The following THUMPD2 variants were observed in gnomAD, a reference collection of about 807,000 sequenced individuals.
THUMPD2 encodes U6 snRNA (guanine-N(2))-methyltransferase THUMPD2.
THUMPD2 carries 56 observed loss-of-function variants against 49.4 expected under a neutral mutation model. The ratio of observed to expected loss-of-function variants is 1.13; its 90% CI spans 0.91 to 1.41. The LOEUF (loss-of-function observed/expected upper bound fraction) is 1.41. Ranked by LOEUF, THUMPD2 falls within the 40% of genes most tolerant of loss-of-function variation. The pLI, the probability that THUMPD2 is intolerant of heterozygous loss-of-function variation, is 0.00. For synonymous variants in THUMPD2, 237 were observed against 205.2 expected (o/e 1.15, Z -1.32); for missense variants, 709 against 594.5 (o/e 1.19, Z -2.00).
chr2:39,758,268 C>A (rs998120426), intron 6 of THUMPD2, among the ~76,000 whole-genome samples: 3 of 152,092 alleles, frequency 2.0e-5, no homozygotes, highest in African/African-American at 7.2e-5. Flanking sequence ...CTAAAAAAAT[C>A]TGAACTAAAC....
chr2:39,767,629 G>C (rs1263748727), intron 4 of THUMPD2, among the ~76,000 whole-genome samples: 3 of 140,518 alleles, frequency 2.1e-5, no homozygotes, highest in Non-Finnish European at 4.6e-5. Flanking sequence ...AAAAGAATTG[G>C]AAAGGGGCAG....
chr2:39,768,320 T>G, intron 4 of THUMPD2, 104 bp downstream of exon 4: 1 of 984,452 alleles, frequency 1.0e-6, no homozygotes, highest in Non-Finnish European at 1.6e-6. Flanking sequence ...GTAGATACAC[T>G]TTTTATAACT....
intron 2 of THUMPD2, 82 bp from the exon 3 acceptor site, chr2:39,770,201 C>T: frequency 1.0e-6 from 1 of 954,784 alleles, no homozygotes; most frequent in South Asian, 3.1e-5. Context: ...ACTCAATTAC[C>T]TTTATTTCCT....
chr2:39,755,155 G>T, intron 8 of THUMPD2, 140 bp downstream of exon 8: 1 of 495,052 alleles, frequency 2.0e-6, no homozygotes, highest in South Asian at 4.3e-5. Flanking sequence ...TAGACTATTA[G>T]AAGTAAACTG....
intron 8 of THUMPD2, among the ~76,000 whole-genome samples, chr2:39,748,799 G>C (rs1674985015): frequency 6.6e-6 from 1 of 151,964 alleles, no homozygotes; most frequent in African/African-American, 2.4e-5. Flanking sequence ...AATACAGTGA[G>C]ACCCCATCTC....
intron 7 of THUMPD2, 21 bp from the exon 8 acceptor site, chr2:39,755,430 T>A: frequency 7.0e-7 from 1 of 1,432,576 alleles, no homozygotes; most frequent in Middle Eastern, 1.8e-4. Flanking sequence ...ATAAATATTT[T>A]AAGCATAAAT....
At chr2:39,742,946 C>A (rs930940505) in intron 9 of THUMPD2, among the ~76,000 whole-genome samples, 1 of 152,048 alleles carries the variant, frequency 6.6e-6, no homozygotes, top group African/African-American at 2.4e-5. Context: ...TAGGTGCTGT[C>A]CAGAAGGAGA....
chr2:39,769,586 C>T (rs1678036244), intron 3 of THUMPD2, 124 bp downstream of exon 3: 1 of 960,168 alleles, frequency 1.0e-6, no homozygotes, highest in Non-Finnish European at 1.5e-6. Flanking sequence ...CCTGTGATCC[C>T]AGCTACTCAG....
Position 39,737,014 on chromosome 2 carries a change from A to T in THUMPD2, c.1233T>A (p.Asp411Glu). The T allele has an allele frequency of 6.2e-7, 1 of 1,613,984 alleles. No individual in the cohort carries two copies. Among genetic ancestry groups the T allele is most frequent in the Non-Finnish European group, 8.5e-7 (1 of 1,179,930 alleles). The change falls in exon 10 of 10, where the codon GAT (aspartate) becomes GAA (glutamate). Residue 411 changes from aspartate to glutamate, a missense_variant. Asp to Glu is a conservative substitution (Grantham distance 45, BLOSUM62 2). Transcript: ENST00000505747. Reference protein sequence around the residue: ...GGTIVLLLSEDHHRRLTDCKE... With the variant: ...GGTIVLLLSEEHHRRLTDCKE... ...TACAATCTGTAAGGCGCCTGTGGTG[A>T]TCTTCACTAAGCAACAATACAATGG...
At chr2:39,759,370 C>CTTA (rs767640704) in intron 6 of THUMPD2, among the ~76,000 whole-genome samples, 15 of 152,048 alleles carry the variant, frequency 9.9e-5, no homozygotes, top group African/African-American at 1.4e-4. Context: ...GCAGCTAATA[C>CTTA]TTAGACACTT....
At chr2:39,761,101 G>C (rs1460610622) in intron 6 of THUMPD2, among the ~76,000 whole-genome samples, 1 of 152,064 alleles carries the variant, frequency 6.6e-6, no homozygotes, top group African/African-American at 2.4e-5. Flanking sequence ...ATGAAATGTA[G>C]CTAACTTTTG....
intron 9 of THUMPD2, among the ~76,000 whole-genome samples, chr2:39,737,466 G>T (rs967175364): frequency 6.6e-6 from 1 of 152,146 alleles, no homozygotes; most frequent in African/African-American, 2.4e-5. Flanking sequence ...AAAAAGAAGG[G>T]CAGATCTTGA....
Position 39,737,862 on chromosome 2 carries a change from G to A in THUMPD2, c.1188-803C>T, listed in dbSNP as rs137919930. Among the ~76,000 whole-genome samples the A allele has an allele frequency of 2.8e-4, 42 of 152,306 alleles. No homozygotes were observed. The East Asian group carries it at 4.6e-3, about 17-fold the overall frequency. On this transcript the variant is annotated intron_variant, in intron 9 of 9. Coordinates refer to ENST00000505747, the MANE Select transcript of THUMPD2 (RefSeq NM_025264.5). ...AGCAAAGACGGGAGGAAGTGGAGAG[G>A]AGGCAGCTCTGAAAGCAGCTCAGTG...
chr2:39,757,426 T>G, intron 6 of THUMPD2: 1 of 1,301,344 alleles, frequency 7.7e-7, no homozygotes. Context: ...TGGTACTAAA[T>G]TTTAAAGAGA....
intron 1 of THUMPD2, among the ~76,000 whole-genome samples, chr2:39,778,043 C>T (rs899287745): frequency 3.3e-5 from 5 of 152,154 alleles, no homozygotes; most frequent in African/African-American, 4.8e-5. Flanking sequence ...GGGTTTGAAT[C>T]CCATCTTTGC....
intron 8 of THUMPD2, among the ~76,000 whole-genome samples, chr2:39,753,155 T>C (rs1675639599): frequency 6.6e-6 from 1 of 152,192 alleles, no homozygotes; most frequent in African/African-American, 2.4e-5. Flanking sequence ...TACTGTCCCA[T>C]TTCTATGCTC....
chr2:39,753,612 T>TAACTTGATCCA (rs1675715052), intron 8 of THUMPD2, among the ~76,000 whole-genome samples: 2 of 152,206 alleles, frequency 1.3e-5, no homozygotes, highest in African/African-American at 4.8e-5. Flanking sequence ...TCCTAAACTC[T>TAACTTGATCCA]AACTTGATCC....
At chr2:39,777,437 A>G (rs1679266665) in intron 1 of THUMPD2, among the ~76,000 whole-genome samples, 1 of 152,254 alleles carries the variant, frequency 6.6e-6, no homozygotes, top group Admixed American at 6.5e-5. Flanking sequence ...CTTTAAAGCT[A>G]GAGAGACTCA....
In THUMPD2 at chr2:39,768,826, G is replaced by C. The variant is rs1315136472; in HGVS notation, c.673-325C>G. 4.5e-6 allele frequency: 5 copies of C among 1,099,924 alleles called. No individual in the cohort carries two copies. In the African/African-American group the frequency reaches 8.0e-5, roughly 18 times the overall value. The allele number at this position is 1,099,924 out of a possible 1,614,324, so 68.1% of individuals were successfully genotyped here. On this transcript the variant is annotated intron_variant, in intron 3 of 9. Transcript: ENST00000505747. ...TCTGGGTTTCAGGAAATAGATGCAA[G>C]CTGAAAGATTAACTATGTCAGCTAC...
Sources: allele counts gnomAD v4.1 joint callset (sites outside exome capture counted in the v4.1 genomes callset), GRCh38; gene constraint gnomAD v4.1.1; transcripts MANE v1.5; gene names NCBI Gene and HGNC (gene_info 2026-07-23, HGNC 2026-07-21).